SDK2: variants seen among roughly 807,000 people sequenced by gnomAD.
SDK2 encodes the protein protein sidekick-2.
SDK2 carries 105 observed loss-of-function variants against 253.9 expected under a neutral mutation model. The ratio of observed to expected loss-of-function variants is 0.41; its 90% CI spans 0.35 to 0.49. The LOEUF is 0.49. SDK2 is among the 20% of genes least tolerant of loss of function. SDK2 has a pLI of 0.06. For synonymous variants in SDK2, 1,249 were observed against 1,234.9 expected, an observed-to-expected ratio of 1.01 and a Z score of -0.24; for missense variants, 2,608 against 3,003.0, an observed-to-expected ratio of 0.87 and a Z score of 3.07.
intron 44 of SDK2, 121 bp from the exon 45 acceptor site, chr17:73,339,061 A>T: frequency 1.2e-6 from 1 of 867,940 alleles, no homozygotes; most frequent in South Asian, 1.5e-5. Flanking sequence ...CAAGACTTGG[A>T]CTGTGGGCCT....
At chr17:73,523,057 G>C (rs966581655) in intron 1 of SDK2, among the ~76,000 whole-genome samples, 1 of 152,218 alleles carries the variant, frequency 6.6e-6, no homozygotes, top group Non-Finnish European at 1.5e-5. Context: ...CTTGCTGGCA[G>C]ATGGGAAAAC....
chr17:73,555,484 G>A (rs544387323), intron 1 of SDK2, among the ~76,000 whole-genome samples: 1 of 152,362 alleles, frequency 6.6e-6, no homozygotes, highest in South Asian at 2.1e-4. Flanking sequence ...GCCCAGGAAA[G>A]GAAGGGGCTG....
rs749258955 is a variant in SDK2 at position 73,365,338 on chromosome 17, A to G, written c.5225T>C (p.Val1742Ala). The change falls in exon 38 of 45, where the codon GTG becomes GCG. Residue 1742 changes from valine (V) to alanine (A), a missense_variant. By Grantham distance (64) the Val-to-Ala change is moderately conservative. Transcript: ENST00000392650. Reference sequence around the variant, plus strand: ...GGGGAACTGCGGGGCTTCCCAGGACACATTCACTGAGGTTGTGGTCAGCTC... The same window carrying G: ...GGGGAACTGCGGGGCTTCCCAGGACGCATTCACTGAGGTTGTGGTCAGCTC... Reference protein sequence around the residue: ...FSELTTTSVNVSWEAPQFPNG... With the variant: ...FSELTTTSVNASWEAPQFPNG... 1.7e-5 allele frequency: 28 copies of G among 1,612,960 alleles called. No homozygotes were observed. The highest frequency in any genetic ancestry group is 2.4e-5 in the Non-Finnish European group (28 of 1,179,496).
intron 40 of SDK2, among the ~76,000 whole-genome samples, chr17:73,356,288 C>T (rs78918305): frequency 1.3e-5 from 2 of 152,196 alleles, no homozygotes; most frequent in African/African-American, 2.4e-5. Flanking sequence ...GTTTAACCCC[C>T]CTTGTTCCAC....
intron 8 of SDK2, among the ~76,000 whole-genome samples, chr17:73,436,844 A>G (rs778158093): frequency 6.6e-6 from 1 of 152,142 alleles, no homozygotes; most frequent in African/African-American, 2.4e-5. Context: ...TTAGTGGTCC[A>G]TAAAATAATG....
intron 1 of SDK2, among the ~76,000 whole-genome samples, chr17:73,545,159 G>A (rs1219763747): frequency 2.0e-5 from 3 of 146,434 alleles, no homozygotes; most frequent in Admixed American, 2.0e-4. Context: ...GGCCACCTTG[G>A]GGGCTGTGGC....
At chr17:73,442,174 C>T (rs535160029) in intron 5 of SDK2, among the ~76,000 whole-genome samples, 5 of 152,356 alleles carry the variant, frequency 3.3e-5, no homozygotes, top group Admixed American at 2.0e-4. Context: ...TCTCTCTCCG[C>T]CATGTGAGGA....
intron 2 of SDK2, chr17:73,504,193 C>CGT (rs898731477): frequency 1.4e-3 from 127 of 93,406 alleles, no homozygotes; most frequent in East Asian, 7.9e-3. Context: ...GCAGTGCGTG[C>CGT]GTGTGTGTGT....
At chr17:73,426,889 A>G (rs997448129) in intron 12 of SDK2, among the ~76,000 whole-genome samples, 2 of 152,172 alleles carry the variant, frequency 1.3e-5, no homozygotes, top group African/African-American at 4.8e-5. Flanking sequence ...GATTGAGACC[A>G]TCCTGCTAAC....
chr17:73,526,118 C>G (rs1219990638), intron 1 of SDK2, among the ~76,000 whole-genome samples: 1 of 152,236 alleles, frequency 6.6e-6, no homozygotes, highest in Non-Finnish European at 1.5e-5. Context: ...TCCTAAATGG[C>G]ACAAGCCAGG....
intron 44 of SDK2, among the ~76,000 whole-genome samples, chr17:73,347,756 C>T (rs1599469735): frequency 7.0e-6 from 1 of 143,080 alleles, no homozygotes; most frequent in Non-Finnish European, 1.5e-5. Context: ...TGTAAGGCTG[C>T]ATGGTTGGAA....
At chr17:73,510,975 G>A (rs2063975685) in intron 1 of SDK2, among the ~76,000 whole-genome samples, 1 of 152,150 alleles carries the variant, frequency 6.6e-6, no homozygotes, top group East Asian at 1.9e-4. Context: ...TGCCTCCAGG[G>A]TCTTAGGCCA....
At chr17:73,578,702 T>C in intron 1 of SDK2, among the ~76,000 whole-genome samples, 1 of 151,996 alleles carries the variant, frequency 6.6e-6, no homozygotes, top group Non-Finnish European at 1.5e-5. Flanking sequence ...GGGGCAGGGA[T>C]TGGGGTTGGG....
At chr17:73,339,140 A>C (rs771892991) in intron 44 of SDK2, among the ~76,000 whole-genome samples, 200 bp from the exon 45 acceptor site, 1 of 151,884 alleles carries the variant, frequency 6.6e-6, no homozygotes, top group Non-Finnish European at 1.5e-5. Context: ...TTCACAGCAG[A>C]TCCGGAACCG....
rs1414188062 is a variant in SDK2 at position 73,387,822 on chromosome 17, G to A, written c.4394+14C>T. On this transcript the variant is annotated intron_variant, in intron 30 of 44. Transcript: ENST00000392650. ...GAGGGGCAGTGGGGATGCTGGCATGGACCCGAGCCTTACCTGTCCACAATG... is the reference window on the plus strand; with the variant it reads ...GAGGGGCAGTGGGGATGCTGGCATGAACCCGAGCCTTACCTGTCCACAATG... The A allele has an allele frequency of 6.5e-6, 10 of 1,542,524 alleles. No individual in the cohort carries two copies. The highest frequency in any genetic ancestry group is 8.8e-6 in the Non-Finnish European group (10 of 1,138,662).
At chr17:73,485,219 T>C (rs1215720368) in intron 2 of SDK2, among the ~76,000 whole-genome samples, 2 of 151,978 alleles carry the variant, frequency 1.3e-5, no homozygotes, top group Non-Finnish European at 2.9e-5. Context: ...GAGCTGGGCC[T>C]CTCCACCTCC....
intron 40 of SDK2, among the ~76,000 whole-genome samples, chr17:73,355,461 C>T (rs1052009505): frequency 1.3e-5 from 2 of 151,542 alleles, no homozygotes; most frequent in South Asian, 4.2e-4. Flanking sequence ...CCTTAGCCTC[C>T]GGAGTAGCTG....
At chr17:73,356,527 A>G (rs1002428247) in intron 40 of SDK2, among the ~76,000 whole-genome samples, 2 of 152,192 alleles carry the variant, frequency 1.3e-5, no homozygotes, top group African/African-American at 4.8e-5. Flanking sequence ...ACGAAGCACA[A>G]GCAATTCAAG....
At chr17:73,563,180 C>T (rs867133742) in intron 1 of SDK2, among the ~76,000 whole-genome samples, 26 of 152,266 alleles carry the variant, frequency 1.7e-4, no homozygotes, top group Non-Finnish European at 3.2e-4. Flanking sequence ...TCACTGTCAA[C>T]TTCTCTTCGA....
Sources: allele counts gnomAD v4.1 joint callset (sites outside exome capture counted in the v4.1 genomes callset), GRCh38; gene constraint gnomAD v4.1.1; transcripts MANE v1.5; gene names NCBI Gene and HGNC (gene_info 2026-07-23, HGNC 2026-07-21).